Variants in NRG3 observed in about 807,000 individuals in gnomAD.
NRG3 encodes the protein pro-neuregulin-3, membrane-bound isoform.
Under a neutral mutation model 66.9 loss-of-function variants are expected in NRG3, and 31 were observed. The ratio of observed to expected loss-of-function variants is 0.46; its 90% CI spans 0.35 to 0.63. The LOEUF (loss-of-function observed/expected upper bound fraction) is 0.63, where lower values mean the gene tolerates loss of function less well. Among genes scored for constraint, NRG3 ranks in the 20% least tolerant of loss-of-function variants. The probability of loss-of-function intolerance (pLI) is 0.00; values close to 1 mark genes in which losing one functional copy is unlikely to be tolerated. For synonymous variants in NRG3, 393 were observed against 359.4 expected, an observed-to-expected ratio of 1.09 and a Z score of -1.06; for missense variants, 910 against 878.9, an observed-to-expected ratio of 1.04 and a Z score of -0.45.
At chr10:81,979,001 C>T (rs371445019) in intron 1 of NRG3, among the ~76,000 whole-genome samples, 59 of 152,060 alleles carry the variant, frequency 3.9e-4, no homozygotes, top group Middle Eastern at 6.8e-3. Flanking sequence ...CCATCCTGGC[C>T]AACATGATGA....
intron 1 of NRG3, among the ~76,000 whole-genome samples, chr10:82,333,444 A>G (rs2082238751): frequency 6.6e-6 from 1 of 152,230 alleles, no homozygotes; most frequent in East Asian, 1.9e-4. Flanking sequence ...CAAAAGGCAG[A>G]GATTAAAGAG....
intron 1 of NRG3, among the ~76,000 whole-genome samples, chr10:82,046,452 C>T (rs1273809803): frequency 2.1e-5 from 1 of 47,284 alleles, no homozygotes; most frequent in Non-Finnish European, 5.4e-5. Flanking sequence ...TGCTTATCAG[C>T]TTAAGGAGAT....
At chr10:82,538,000 C>T (rs1189097471) in intron 2 of NRG3, among the ~76,000 whole-genome samples, 1 of 152,088 alleles carries the variant, frequency 6.6e-6, no homozygotes, top group Non-Finnish European at 1.5e-5. Context: ...ATTCCCTGTT[C>T]ATTCATATAG....
chr10:82,460,263 A>G (rs1348736325), intron 2 of NRG3, among the ~76,000 whole-genome samples: 1 of 152,198 alleles, frequency 6.6e-6, no homozygotes. Context: ...TGTGCGGCTA[A>G]GGCTTTGGAG....
At position 82,940,911 on chromosome 10, in the gene NRG3, C is replaced by T. The variant is rs564915490; in HGVS notation, c.1055-10558C>T. On this transcript the variant is annotated intron_variant, in intron 4 of 8. Coordinates refer to ENST00000372141, the MANE Select transcript of NRG3 (RefSeq NM_001010848.4). ...ACACCAATATTCAGACCATAGCAGACGCTATACTCAAATAAGGTCATATGC... is the reference window on the plus strand; with the variant it reads ...ACACCAATATTCAGACCATAGCAGATGCTATACTCAAATAAGGTCATATGC... Among the ~76,000 whole-genome samples the T allele has an allele frequency of 8.5e-5, 13 of 152,186 alleles. No homozygotes were observed. In the East Asian group the frequency reaches 1.4e-3, roughly 16 times the overall value.
At chr10:82,540,971 T>C (rs1332565733) in intron 2 of NRG3, among the ~76,000 whole-genome samples, 1 of 152,078 alleles carries the variant, frequency 6.6e-6, no homozygotes, top group Non-Finnish European at 1.5e-5. Context: ...CTGATGTCCT[T>C]GTAAGAGGAA....
intron 5 of NRG3, 130 bp downstream of exon 5, chr10:82,951,701 A>T (rs1382437964): frequency 1.4e-6 from 1 of 712,378 alleles, no homozygotes; most frequent in Non-Finnish European, 2.4e-6. Flanking sequence ...TCTGCAAGTG[A>T]CTTAGGACAT....
intron 1 of NRG3, among the ~76,000 whole-genome samples, chr10:82,050,938 A>G (rs2063563229): frequency 6.7e-6 from 1 of 149,908 alleles, no homozygotes. Context: ...AATATAAGAC[A>G]CATTCTTTAA....
intron 2 of NRG3, among the ~76,000 whole-genome samples, chr10:82,367,988 G>A (rs1234745350): frequency 6.6e-6 from 1 of 152,110 alleles, no homozygotes; most frequent in Admixed American, 6.6e-5. Flanking sequence ...AGGTGACAGA[G>A]TGAGACTCCA....
At chr10:82,813,290 T>G (rs1401617817) in intron 3 of NRG3, among the ~76,000 whole-genome samples, 1 of 143,548 alleles carries the variant, frequency 7.0e-6, no homozygotes, top group African/African-American at 2.6e-5. Context: ...CTTAGCTCAC[T>G]GCAACCTCTT....
intron 2 of NRG3, among the ~76,000 whole-genome samples, chr10:82,649,909 A>T (rs1442896974): frequency 6.6e-6 from 1 of 152,138 alleles, no homozygotes; most frequent in African/African-American, 2.4e-5. Context: ...CTTTTTTTAA[A>T]TAACCCACTA....
At chr10:82,556,523 C>T (rs1017431790) in intron 2 of NRG3, among the ~76,000 whole-genome samples, 9 of 151,992 alleles carry the variant, frequency 5.9e-5, no homozygotes, top group African/African-American at 1.7e-4. Flanking sequence ...TGGTAAATGC[C>T]GACCAATGGC....
At chr10:82,445,315 A>C (rs1282656815) in intron 2 of NRG3, among the ~76,000 whole-genome samples, 1 of 152,188 alleles carries the variant, frequency 6.6e-6, no homozygotes, top group South Asian at 2.1e-4. Flanking sequence ...GTAGAAAATT[A>C]GAGTATTGTG....
chr10:81,900,986 G>A (rs1481674669), intron 1 of NRG3, among the ~76,000 whole-genome samples: 2 of 152,116 alleles, frequency 1.3e-5, no homozygotes, highest in African/African-American at 4.8e-5. Flanking sequence ...GATACGTTTT[G>A]ATGAAAAGTA....
chr10:82,705,646 T>C (rs372467648), intron 2 of NRG3, among the ~76,000 whole-genome samples: 1 of 152,236 alleles, frequency 6.6e-6, no homozygotes, highest in Non-Finnish European at 1.5e-5. Flanking sequence ...ACAGTGTTGA[T>C]TCGTTATCTG....
chr10:82,106,079 G>A (rs1260950631), intron 1 of NRG3, among the ~76,000 whole-genome samples: 1 of 152,144 alleles, frequency 6.6e-6, no homozygotes, highest in Non-Finnish European at 1.5e-5. Flanking sequence ...ACCTTGTATT[G>A]ACAGTTTTAG....
chr10:82,928,112 T>A (rs4933856), intron 4 of NRG3, among the ~76,000 whole-genome samples: 57,258 of 152,108 alleles, frequency 0.38, 11,207 homozygotes, highest in East Asian at 0.63. Flanking sequence ...GAGCTTTTTT[T>A]CATATGTTTG....
chr10:82,285,865 T>G lies in NRG3; in HGVS notation c.824-72874T>G, dbSNP rs61863053. ...AGCTGCCCTACCTCAGAATAGAGCT[T>G]CTTTATTCCTTCAAATTCCCAAGTT... On this transcript the variant is annotated intron_variant, in intron 1 of 8. Transcript: ENST00000372141. Among the ~76,000 whole-genome samples, 4 of 152,248 alleles carry G rather than the reference T, an allele frequency of 2.6e-5. No homozygotes were observed. In the East Asian group the frequency reaches 7.7e-4, roughly 29 times the overall value.
intron 8 of NRG3, among the ~76,000 whole-genome samples, chr10:82,982,207 GC>G (rs1229882219): frequency 1.3e-5 from 2 of 152,160 alleles, no homozygotes; most frequent in African/African-American, 4.8e-5. Flanking sequence ...ATTTTCATGT[GC>G]CCTAGGAACT....
Sources: allele counts gnomAD v4.1 joint callset (sites outside exome capture counted in the v4.1 genomes callset), GRCh38; gene constraint gnomAD v4.1.1; transcripts MANE v1.5; gene names NCBI Gene and HGNC (gene_info 2026-07-23, HGNC 2026-07-21).